Variants in TNIK observed in about 807,000 individuals in gnomAD.
The protein encoded by TNIK is TRAF2 and NCK interacting kinase.
TNIK carries 49 observed loss-of-function variants against 191.3 expected under a neutral mutation model. The observed-to-expected ratio is 0.26, with a 90% CI of 0.20 to 0.32. TNIK has a LOEUF of 0.32. TNIK is among the 10% of genes least tolerant of loss of function. TNIK has a pLI of 1.00. For missense variants in TNIK, 1,155 were observed against 1,702.3 expected (o/e 0.68, Z 5.66); for synonymous variants, 594 against 600.9 (o/e 0.99, Z 0.17).
chr3:171,302,440 T>C (rs1752986755), intron 2 of TNIK, among the ~76,000 whole-genome samples: 1 of 152,180 alleles, frequency 6.6e-6, no homozygotes, highest in Non-Finnish European at 1.5e-5. Flanking sequence ...AATCTACAAC[T>C]CAAATACTAT....
At chr3:171,305,566 C>G (rs942636513) in intron 2 of TNIK, among the ~76,000 whole-genome samples, 1 of 152,134 alleles carries the variant, frequency 6.6e-6, no homozygotes, top group African/African-American at 2.4e-5. Context: ...CATGAAAAGA[C>G]ACTTTTCAAA....
chr3:171,298,637 G>C (rs1265795895), intron 2 of TNIK, among the ~76,000 whole-genome samples: 1 of 152,154 alleles, frequency 6.6e-6, no homozygotes, highest in Non-Finnish European at 1.5e-5. Flanking sequence ...GTGGCTATAG[G>C]ATAGTGAAAC....
intron 12 of TNIK, among the ~76,000 whole-genome samples, chr3:171,156,106 A>C (rs1212595821): frequency 6.6e-6 from 1 of 152,216 alleles, no homozygotes; most frequent in Non-Finnish European, 1.5e-5. Context: ...TGAGTTTTGC[A>C]TGAGAGATAA....
chr3:171,325,272 T>G (rs1328430127), intron 2 of TNIK, among the ~76,000 whole-genome samples: 1 of 151,890 alleles, frequency 6.6e-6, no homozygotes, highest in Non-Finnish European at 1.5e-5. Flanking sequence ...TATAAAGTAA[T>G]GATGGTTTTA....
At chr3:171,422,833 T>G (rs1380779823) in intron 1 of TNIK, among the ~76,000 whole-genome samples, 1 of 152,248 alleles carries the variant, frequency 6.6e-6, no homozygotes, top group Non-Finnish European at 1.5e-5. Context: ...GCCCGGTGGC[T>G]TTGAACAATG....
At chr3:171,355,864 C>T (rs866750833) in intron 2 of TNIK, among the ~76,000 whole-genome samples, 4 of 152,118 alleles carry the variant, frequency 2.6e-5, no homozygotes, top group South Asian at 2.1e-4. Context: ...TCTTTCCATC[C>T]TCTATTTCAT....
chr3:171,130,409 C>T (rs1484327882), intron 15 of TNIK, among the ~76,000 whole-genome samples: 2 of 152,182 alleles, frequency 1.3e-5, no homozygotes, highest in Non-Finnish European at 2.9e-5. Context: ...AATCCCGTGT[C>T]CCAGAAGCTT....
chr3:171,314,972 T>C (rs1034003424), intron 2 of TNIK, among the ~76,000 whole-genome samples: 3 of 152,092 alleles, frequency 2.0e-5, no homozygotes, highest in Admixed American at 6.6e-5. Flanking sequence ...TCAACAACTG[T>C]AAAATGTTCT....
Position 171,171,215 on chromosome 3 carries a change from T to C in TNIK, c.774-3945A>G, listed in dbSNP as rs191266275. Among the ~76,000 whole-genome samples, 7 of 152,174 alleles carry C rather than the reference T, an allele frequency of 4.6e-5. No individual in the cohort carries two copies. In the East Asian group the frequency reaches 9.6e-4, roughly 21 times the overall value. On this transcript the variant is annotated intron_variant, in intron 9 of 32. Transcript: ENST00000436636. ...TTAATTTTTAAAGTCTGTGTAATAG[T>C]TTTTAGCTGGATTTTAATAAAGTCC...
chr3:171,084,778 A>G (rs1399335906), intron 25 of TNIK, among the ~76,000 whole-genome samples: 2 of 152,164 alleles, frequency 1.3e-5, no homozygotes, highest in African/African-American at 2.4e-5. Context: ...TGTACCATAC[A>G]CTTATTAAGT....
intron 2 of TNIK, among the ~76,000 whole-genome samples, chr3:171,368,838 T>C (rs1186417375): frequency 6.6e-6 from 1 of 152,104 alleles, no homozygotes; most frequent in Non-Finnish European, 1.5e-5. Context: ...TCCCTAGAAA[T>C]TATCATGAGG....
chr3:171,188,274 C>G (rs374187964), intron 7 of TNIK, among the ~76,000 whole-genome samples: 5 of 152,202 alleles, frequency 3.3e-5, no homozygotes, highest in African/African-American at 1.2e-4. Context: ...AATTATACTT[C>G]GAGCATTGTA....
chr3:171,115,145 G>A (rs557125414), intron 18 of TNIK, among the ~76,000 whole-genome samples: 5 of 152,352 alleles, frequency 3.3e-5, no homozygotes, highest in Non-Finnish European at 7.3e-5. Flanking sequence ...GAACGGTAAT[G>A]TAGTATTCTT....
intron 2 of TNIK, among the ~76,000 whole-genome samples, chr3:171,338,939 A>C (rs1249369232): frequency 6.6e-6 from 1 of 151,856 alleles, no homozygotes; most frequent in Non-Finnish European, 1.5e-5. Context: ...GGACTGTCTG[A>C]CTCTGCCCAA....
At chr3:171,146,750 T>A (rs745766575) in intron 12 of TNIK, among the ~76,000 whole-genome samples, 1 of 151,594 alleles carries the variant, frequency 6.6e-6, no homozygotes. Flanking sequence ...ATTAGCTGGG[T>A]GTGATGGTGC....
At position 171,376,556 on chromosome 3, in the gene TNIK, G is replaced by A. The variant is rs151024510; in HGVS notation, c.58-6871C>T. On this transcript the variant is annotated intron_variant, in intron 1 of 32. Coordinates refer to ENST00000436636, the MANE Select transcript of TNIK (RefSeq NM_015028.4). ...AGCAGACATGAGCAACTTACTACAC[G>A]TACATAGTGATTAGATCATCATAAC... Among the ~76,000 whole-genome samples, 245 of 152,082 alleles carry A rather than the reference G, an allele frequency of 1.6e-3. 3 individuals carry two copies. The East Asian group carries it at 0.043, about 27-fold the overall frequency.
intron 22 of TNIK, among the ~76,000 whole-genome samples, chr3:171,094,569 T>A (rs1722480327): frequency 6.6e-6 from 1 of 152,164 alleles, no homozygotes; most frequent in Non-Finnish European, 1.5e-5. Context: ...ACACTGAAGT[T>A]GGCACCAGGA....
chr3:171,099,416 A>AT (rs956337195), intron 22 of TNIK, among the ~76,000 whole-genome samples: 9 of 151,588 alleles, frequency 5.9e-5, no homozygotes, highest in Non-Finnish European at 1.0e-4. Flanking sequence ...TTTGTATAGA[A>AT]TTGGCTATAC....
intron 4 of TNIK, among the ~76,000 whole-genome samples, chr3:171,209,927 T>C (rs1361361723): frequency 1.3e-5 from 2 of 152,224 alleles, no homozygotes; most frequent in Non-Finnish European, 2.9e-5. Flanking sequence ...AATAGTTACT[T>C]CTGCCCGAGG....
Sources: gnomAD v4.1 joint callset for allele counts (sites outside exome capture counted in the v4.1 genomes callset) on GRCh38, gnomAD v4.1.1 for gene constraint, MANE v1.5 for transcripts, NCBI Gene and HGNC (gene_info 2026-07-23, HGNC 2026-07-21) for gene names.